The following TMEM106B variants were observed in gnomAD, a reference collection of about 807,000 sequenced individuals.
TMEM106B encodes transmembrane protein 106B.
Under a neutral mutation model 31.1 loss-of-function variants are expected in TMEM106B, and 15 were observed. That is an observed-to-expected ratio of 0.48 (90% CI 0.32 to 0.74). The LOEUF (loss-of-function observed/expected upper bound fraction) is 0.74. Ranked by LOEUF, TMEM106B falls within the 30% of genes least tolerant of loss-of-function variation. The pLI, the probability that TMEM106B is intolerant of heterozygous loss-of-function variation, is 0.03. For missense variants in TMEM106B, 283 were observed against 327.3 expected (o/e 0.86, Z 1.04); for synonymous variants, 126 against 112.5 (o/e 1.12, Z -0.76).
rs565390930 is a variant in TMEM106B at position 12,239,892 on chromosome 7, C to T, written c.*7917C>T. 2.6e-5 allele frequency: 4 copies of T among 151,944 alleles called. No homozygotes were observed. The East Asian group carries it at 7.8e-4, about 29-fold the overall frequency. The allele number at this position is 151,944 out of a possible 1,614,324, so 9.4% of individuals were successfully genotyped here. A position where few individuals can be genotyped will look rare whatever the true frequency, so the allele number is the denominator to read the frequency against. On this transcript the variant is annotated 3_prime_UTR_variant, in exon 8 of 8. Coordinates refer to ENST00000396668, the MANE Select transcript of TMEM106B (RefSeq NM_001134232.2). ...AAATATTGCAAAAATTACCAAAATG[C>T]GACAGAGACATGAAATGAGAACATG... is the stretch of plus-strand genomic sequence containing the variant.
intron 4 of TMEM106B, among the ~76,000 whole-genome samples, chr7:12,228,289 G>T (rs1328684913): frequency 3.3e-5 from 5 of 151,014 alleles, no homozygotes; most frequent in African/African-American, 1.2e-4. Context: ...ATCCCATATT[G>T]CATCTTTTCA....
intron 6 of TMEM106B, chr7:12,230,835 A>T: frequency 2.6e-6 from 1 of 384,374 alleles, no homozygotes; most frequent in East Asian, 4.3e-5. Flanking sequence ...TAAGTAATTT[A>T]TAGCCTGCAT....
chr7:12,224,159 C>G, intron 3 of TMEM106B, 67 bp from the exon 4 acceptor site: 2 of 1,437,004 alleles, frequency 1.4e-6, no homozygotes, highest in Middle Eastern at 1.8e-4. Context: ...TTGAACATAC[C>G]TTCTCTAATG....
At chr7:12,218,671 A>G (rs1781733680) in intron 3 of TMEM106B, 150 bp downstream of exon 3, 6 of 651,540 alleles carry the variant, frequency 9.2e-6, no homozygotes, top group Non-Finnish European at 1.3e-5. Flanking sequence ...TGTATCCTTA[A>G]ACAGACAAGA....
In TMEM106B at chr7:12,230,409, C is replaced by G. The variant is rs367778603; in HGVS notation, c.603C>G (p.Thr201=). 1 of 1,602,644 alleles carries G rather than the reference C, an allele frequency of 6.2e-7. No homozygotes were observed. Among genetic ancestry groups the G allele is most frequent in the Non-Finnish European group, 8.5e-7 (1 of 1,172,496 alleles). The change falls in exon 6 of 8, where the codon ACC becomes ACG. Residue 201 remains threonine (T), a synonymous_variant. Coordinates refer to ENST00000396668, the MANE Select transcript of TMEM106B (RefSeq NM_001134232.2). ...DMKQIDYTVP[T]VIAEEMSYMY... ...TTCAGATTGATTACACAGTACCTAC[C>G]GTTATAGCAGAGGAAATGAGTTATA...
intron 3 of TMEM106B, among the ~76,000 whole-genome samples, chr7:12,223,963 C>T (rs544784716): frequency 1.5e-3 from 228 of 152,190 alleles, no homozygotes; most frequent in Non-Finnish European, 2.4e-3. Context: ...TCTTGATACG[C>T]CCGCCTCAGC....
chr7:12,215,627 A>G, intron 2 of TMEM106B: 1 of 389,150 alleles, frequency 2.6e-6, no homozygotes, highest in Non-Finnish European at 5.4e-6. Flanking sequence ...CATGTTTCCC[A>G]GGATGATGTC....
intron 3 of TMEM106B, 112 bp downstream of exon 3, chr7:12,218,633 C>G: frequency 1.2e-6 from 1 of 830,448 alleles, no homozygotes; most frequent in African/African-American, 1.7e-5. Context: ...AATGCTGTCA[C>G]GTAGTTAAAT....
rs937254698 is a variant in TMEM106B, at chr7:12,240,174, C to A, written c.*8199C>A. Reference sequence around the variant, plus strand: ...ATGTCCTGACCAAATCGAGTTCTTTCTCATTGGGAACAGTTCATTCCTTTA... The same window carrying A: ...ATGTCCTGACCAAATCGAGTTCTTTATCATTGGGAACAGTTCATTCCTTTA... On this transcript the variant is annotated 3_prime_UTR_variant, in exon 8 of 8. Coordinates refer to ENST00000396668, the MANE Select transcript of TMEM106B (RefSeq NM_001134232.2). 9.8e-5 allele frequency: 15 copies of A among 152,314 alleles called. No homozygotes were observed. The highest frequency in any genetic ancestry group is 3.6e-4 in the African/African-American group (15 of 41,576). 9.4% of individuals were successfully genotyped at this position (152,314 alleles called of 1,614,324 possible).
rs985193549 is a variant in TMEM106B at position 12,243,141 on chromosome 7, G to A, written c.*11166G>A. The A allele has an allele frequency of 6.6e-6, 1 of 151,858 alleles. No individual in the cohort carries two copies. The highest frequency in any genetic ancestry group is 6.6e-5 in the Admixed American group (1 of 15,244). 9.4% of individuals were successfully genotyped at this position (151,858 alleles called of 1,614,324 possible). A position where few individuals can be genotyped will look rare whatever the true frequency, so the allele number is the denominator to read the frequency against. ...CTTTACCACTAGTGATTTCAATAGTGGCATTGTCACATGATTCAAGAAGAG... is the reference window on the plus strand; with the variant it reads ...CTTTACCACTAGTGATTTCAATAGTAGCATTGTCACATGATTCAAGAAGAG... On this transcript the variant is annotated 3_prime_UTR_variant, in exon 8 of 8. Transcript: ENST00000396668.
In TMEM106B at chr7:12,232,135, T is replaced by A. The variant is rs1031961621; in HGVS notation, c.*160T>A. 3.7e-6 allele frequency: 2 copies of A among 544,774 alleles called. No individual in the cohort carries two copies. The highest frequency in any genetic ancestry group is 3.1e-6 in the Non-Finnish European group (1 of 319,948). 33.7% of individuals were successfully genotyped at this position (544,774 alleles called of 1,614,324 possible). On this transcript the variant is annotated 3_prime_UTR_variant, in exon 8 of 8. Transcript: ENST00000396668. ...TATGTGGACCTGCAGTTCTTGTAAC[T>A]CTCCACTCTGTGTTAATGATATATT...
rs1782077510 is a variant in TMEM106B, at chr7:12,233,821, G to A, written c.*1846G>A. 1 of 150,590 alleles carries A rather than the reference G, an allele frequency of 6.6e-6. No individual in the cohort carries two copies. Among genetic ancestry groups the A allele is most frequent in the Admixed American group, 6.6e-5 (1 of 15,120 alleles). 9.3% of individuals were successfully genotyped at this position (150,590 alleles called of 1,614,324 possible). ...TGATCTATGTCTATATATGATATAGGTCCCCTTTTGTCTCAAAATTTTTAA... is the reference window on the plus strand; with the variant it reads ...TGATCTATGTCTATATATGATATAGATCCCCTTTTGTCTCAAAATTTTTAA... On this transcript the variant is annotated 3_prime_UTR_variant, in exon 8 of 8. Transcript: ENST00000396668.
At chr7:12,213,237 T>C (rs890655269) in intron 1 of TMEM106B, among the ~76,000 whole-genome samples, 2 of 151,684 alleles carry the variant, frequency 1.3e-5, no homozygotes, top group Non-Finnish European at 2.9e-5. Context: ...TATTGGTAAC[T>C]TATATTTAAT....
rs767069115 is a variant in TMEM106B, at chr7:12,235,526, G to T, written c.*3551G>T. 6.6e-6 allele frequency: 1 copy of T among 151,754 alleles called. No homozygotes were observed. Among genetic ancestry groups the T allele is most frequent in the Non-Finnish European group, 1.5e-5 (1 of 67,764 alleles). The allele number at this position is 151,754 out of a possible 1,614,324, so 9.4% of individuals were successfully genotyped here. On this transcript the variant is annotated 3_prime_UTR_variant, in exon 8 of 8. Transcript: ENST00000396668. ...CACCGCAATGTTCAAATAGGTAGGAGACCATCAAAAACACAATTAAAGTAA... is the reference window on the plus strand; with the variant it reads ...CACCGCAATGTTCAAATAGGTAGGATACCATCAAAAACACAATTAAAGTAA...
intron 7 of TMEM106B, 60 bp from the exon 8 acceptor site, chr7:12,231,777 A>C: frequency 5.0e-6 from 7 of 1,388,840 alleles, no homozygotes; most frequent in Non-Finnish European, 6.9e-6. Context: ...AAGTAGTCTC[A>C]CTATGGAAAA....
At position 12,236,621 on chromosome 7, in the gene TMEM106B, T is replaced by C. The variant is rs1782142261; in HGVS notation, c.*4646T>C. 6.6e-6 allele frequency: 1 copy of C among 151,982 alleles called. No individual in the cohort carries two copies. The allele number at this position is 151,982 out of a possible 1,614,324, so 9.4% of individuals were successfully genotyped here. ...GGTAATATTACTACCATGTAGACTGTTATAGTTCAAATTGTCCCACTTCAC... is the reference window on the plus strand; with the variant it reads ...GGTAATATTACTACCATGTAGACTGCTATAGTTCAAATTGTCCCACTTCAC... On this transcript the variant is annotated 3_prime_UTR_variant, in exon 8 of 8. Transcript: ENST00000396668.
rs1554311701 is a variant in TMEM106B at position 12,237,810 on chromosome 7, T to TCC, written c.*5835_*5836insCC. On this transcript the variant is annotated 3_prime_UTR_variant, in exon 8 of 8. Transcript: ENST00000396668. ...ACATGGCGAGACCCCATATAAAATA[T>TCC]ATACATACACACACACACACACACA... 2 of 117,872 alleles carry TCC rather than the reference T, an allele frequency of 1.7e-5. No homozygotes were observed. Among genetic ancestry groups the TCC allele is most frequent in the African/African-American group, 7.6e-5 (2 of 26,270 alleles). 7.3% of individuals were successfully genotyped at this position (117,872 alleles called of 1,614,324 possible).
intron 2 of TMEM106B, among the ~76,000 whole-genome samples, chr7:12,216,260 A>T (rs1275519644): frequency 6.6e-6 from 1 of 152,116 alleles, no homozygotes; most frequent in Non-Finnish European, 1.5e-5. Flanking sequence ...ATGACCAGTA[A>T]ACTTTTTTGG....
chr7:12,222,139 G>A (rs1159197816), intron 3 of TMEM106B, among the ~76,000 whole-genome samples: 1 of 152,106 alleles, frequency 6.6e-6, no homozygotes, highest in African/African-American at 2.4e-5. Flanking sequence ...AAAGTAAATT[G>A]CATTAAATAC....
Sources: allele counts gnomAD v4.1 joint callset (sites outside exome capture counted in the v4.1 genomes callset), GRCh38; gene constraint gnomAD v4.1.1; transcripts MANE v1.5; gene names NCBI Gene and HGNC (gene_info 2026-07-23, HGNC 2026-07-21).